Variants in ACTL6B observed in about 807,000 individuals in gnomAD.
The protein encoded by ACTL6B is actin-like protein 6B.
A neutral mutation model predicts 63.3 loss-of-function variants in ACTL6B; 48 were observed. The ratio of observed to expected loss-of-function variants is 0.76; its 90% CI spans 0.60 to 0.96. The LOEUF is 0.96. ACTL6B is among the 50% of genes least tolerant of loss of function. The pLI, the probability that ACTL6B is intolerant of heterozygous loss-of-function variation, is 0.00. For synonymous variants in ACTL6B, 230 were observed against 223.8 expected, an observed-to-expected ratio of 1.03 and a Z score of -0.25; for missense variants, 350 against 572.2, an observed-to-expected ratio of 0.61 and a Z score of 3.96.
Position 100,646,530 on chromosome 7 carries a change from G to A in ACTL6B, c.1113+21C>T, listed in dbSNP as rs1274652781. 4 of 1,612,778 alleles carry A rather than the reference G, an allele frequency of 2.5e-6. No homozygotes were observed. The highest frequency in any genetic ancestry group is 3.4e-6 in the Non-Finnish European group (4 of 1,179,034). ...AGCCAGGACGGGTGTCCAGGGCTCT[G>A]GGTCAGGGGTGGGCTCCTACCGGTG... On this transcript the variant is annotated intron_variant, in intron 12 of 13. Transcript: ENST00000160382. This position sits in a 1 kb window ranked among gnomAD's most constrained non-coding sequence, Gnocchi z 6.1.
At chr7:100,644,789 C>T (rs1480481660) in intron 13 of ACTL6B, among the ~76,000 whole-genome samples, 1 of 150,486 alleles carries the variant, frequency 6.6e-6, no homozygotes, top group Non-Finnish European at 1.5e-5. Context: ...GGCATGGTGG[C>T]TCACACCTGT....
intron 4 of ACTL6B, among the ~76,000 whole-genome samples, chr7:100,653,475 C>A (rs1018940122): frequency 6.6e-6 from 1 of 151,988 alleles, no homozygotes; most frequent in Non-Finnish European, 1.5e-5. Flanking sequence ...CATGATGAAA[C>A]CCTGTCTCTA....
chr7:100,643,122 T>G lies in ACTL6B; in HGVS notation c.*124A>C. 1 of 1,101,348 alleles carries G rather than the reference T, an allele frequency of 9.1e-7. No homozygotes were observed. Among genetic ancestry groups the G allele is most frequent in the Non-Finnish European group, 1.3e-6 (1 of 748,650 alleles). 68.2% of individuals were successfully genotyped at this position (1,101,348 alleles called of 1,614,324 possible). On this transcript the variant is annotated 3_prime_UTR_variant, in exon 14 of 14. Transcript: ENST00000160382. ...TTTTTTTTCTTAAAACATTTTTACT[T>G]CTTTCAACCCAGAAACATCACCATT...
In ACTL6B at chr7:100,643,296, G is replaced by A. The variant is rs1584466163; in HGVS notation, c.1231C>T (p.Gln411Ter). 2 of 1,613,818 alleles carry A rather than the reference G, an allele frequency of 1.2e-6. No homozygotes were observed. The highest frequency in any genetic ancestry group is 1.7e-6 in the Non-Finnish European group (2 of 1,180,004). The stretch of plus-strand genomic sequence containing the variant: ...TGCTTCCCGCCCTCCTCATATTCCT[G>A]CTTGGAGATCCACATCTGCTGGAAA... ...GTFQQMWISK[Q>*]EYEEGGKQCV... Residue 411 changes from glutamine to a stop codon, truncating the protein, a stop_gained, in exon 14 of 14, where the codon CAG becomes TAG. Transcript: ENST00000160382. LOFTEE classifies it high-confidence loss of function.
At position 100,655,346 on chromosome 7, in the gene ACTL6B, TG is replaced by T; in HGVS notation, c.268+74del. 2.0e-6 allele frequency: 3 copies of T among 1,499,644 alleles called. No individual in the cohort carries two copies. Among genetic ancestry groups the T allele is most frequent in the Non-Finnish European group, 1.8e-6 (2 of 1,103,956 alleles). 92.9% of individuals were successfully genotyped at this position (1,499,644 alleles called of 1,614,324 possible). A position where few individuals can be genotyped will look rare whatever the true frequency, so the allele number is the denominator to read the frequency against. ...GCTGCAAGGAAGACTCCGCGGGGAG[TG>T]GGGGCTGCTATGACCCAGATTGTGG... is the stretch of plus-strand genomic sequence containing the variant. On this transcript the variant is annotated intron_variant, in intron 3 of 13. Coordinates refer to ENST00000160382, the MANE Select transcript of ACTL6B (RefSeq NM_016188.5). The surrounding 1 kb of genome is among the most constrained non-coding windows in gnomAD (Gnocchi z 4.4).
At chr7:100,652,727 G>A (rs1803963699) in intron 4 of ACTL6B, among the ~76,000 whole-genome samples, 1 of 151,970 alleles carries the variant, frequency 6.6e-6, no homozygotes, top group Non-Finnish European at 1.5e-5. Context: ...CACAGGGCTG[G>A]GATGGTGGCT....
At chr7:100,650,797 A>AAAGT (rs1275901847) in intron 4 of ACTL6B, among the ~76,000 whole-genome samples, 2 of 152,200 alleles carry the variant, frequency 1.3e-5, no homozygotes, top group Non-Finnish European at 2.9e-5. Flanking sequence ...GGAAAAAGGT[A>AAAGT]AAGAGATGGA....
At chr7:100,656,187 C>A in intron 1 of ACTL6B, 143 bp downstream of exon 1, 1 of 1,034,294 alleles carries the variant, frequency 9.7e-7, no homozygotes. Context: ...GAGGACCGAG[C>A]GCAGGGGTGG....
rs190581728 is a variant in ACTL6B at position 100,646,854 on chromosome 7, C to T, written c.937-23G>A. 3.9e-3 allele frequency: 6,203 copies of T among 1,607,030 alleles called. 19 individuals are homozygous for T. Among genetic ancestry groups the T allele is most frequent in the Admixed American group, 5.3e-3 (319 of 59,700 alleles). On this transcript the variant is annotated intron_variant, in intron 10 of 13. Transcript: ENST00000160382. The surrounding 1 kb of genome is among the most constrained non-coding windows in gnomAD (Gnocchi z 6.1). The stretch of plus-strand genomic sequence containing the variant: ...GCCCTGCAGAGAGAGGTGACTGGGG[C>T]TGTGGGCTCTCTCCCCCTTCCCCCC...
In ACTL6B at chr7:100,655,339, C is replaced by CG; in HGVS notation, c.268+81dup. On this transcript the variant is annotated intron_variant, in intron 3 of 13. Transcript: ENST00000160382. The surrounding 1 kb of genome is among the most constrained non-coding windows in gnomAD (Gnocchi z 4.4). ...CCCTGGGGCTGCAAGGAAGACTCCGCGGGGAGTGGGGGCTGCTATGACCCA... is the reference window on the plus strand; with the variant it reads ...CCCTGGGGCTGCAAGGAAGACTCCGCGGGGGAGTGGGGGCTGCTATGACCCA... 1 of 1,481,500 alleles carries CG rather than the reference C, an allele frequency of 6.7e-7. No homozygotes were observed. The highest frequency in any genetic ancestry group is 1.3e-5 in the South Asian group (1 of 79,706). The allele number at this position is 1,481,500 out of a possible 1,614,324, so 91.8% of individuals were successfully genotyped here. A position where few individuals can be genotyped will look rare whatever the true frequency, so the allele number is the denominator to read the frequency against.
rs757061545 is a variant in ACTL6B at position 100,646,344 on chromosome 7, A to G, written c.1114-9T>C. The G allele has an allele frequency of 3.1e-6, 5 of 1,613,200 alleles. No individual in the cohort carries two copies. In the South Asian group the frequency reaches 4.4e-5, roughly 14 times the overall value. On this transcript the variant is annotated splice_polypyrimidine_tract_variant and intron_variant, in intron 12 of 13. Transcript: ENST00000160382. The surrounding 1 kb of genome is among the most constrained non-coding windows in gnomAD (Gnocchi z 6.1). ...AGTTTCAGTCGCATGCTCTGGGGGT[A>G]AAAAGGGGCTGGGGGAAGCAGACAC...
rs370684630 is a variant in ACTL6B, at chr7:100,648,857, G to T, written c.468-34C>A. 2 of 1,595,368 alleles carry T rather than the reference G, an allele frequency of 1.3e-6. No homozygotes were observed. The stretch of plus-strand genomic sequence containing the variant: ...GGATGGGTAAGTCAAAGAGACAGCA[G>T]CAGCAAGTGAGGGGCCTGGGCCCAG... On this transcript the variant is annotated intron_variant, in intron 5 of 13. Transcript: ENST00000160382. The surrounding 1 kb of genome is among the most constrained non-coding windows in gnomAD (Gnocchi z 4.4).
rs201377380 is a variant in ACTL6B, at chr7:100,647,104, G to A, written c.822-19C>T. ...AGCCACCCTACCCAGAAGGGAGCAG[G>A]ACTCTGCCTGGGGTGCTCAAGAAGG... On this transcript the variant is annotated intron_variant, in intron 9 of 13. Transcript: ENST00000160382. This position sits in a 1 kb window ranked among gnomAD's most constrained non-coding sequence, Gnocchi z 4.4. 6.0e-5 allele frequency: 97 copies of A among 1,613,366 alleles called. No homozygotes were observed. In the African/African-American group the frequency reaches 1.2e-3, roughly 21 times the overall value.
In ACTL6B at chr7:100,655,490, T is replaced by A. The variant is rs751962979; in HGVS notation, c.199A>T (p.Ile67Phe). 6.2e-7 allele frequency: 1 copy of A among 1,614,036 alleles called. No individual in the cohort carries two copies. Among genetic ancestry groups the A allele is most frequent in the Non-Finnish European group, 8.5e-7 (1 of 1,180,024 alleles). Residue 67 changes from isoleucine (I) to phenylalanine (F), a missense_variant, in exon 3 of 14, where the codon ATC becomes TTC. Physicochemically the swap from Ile to Phe is conservative, Grantham distance 21. Coordinates refer to ENST00000160382, the MANE Select transcript of ACTL6B (RefSeq NM_016188.5). This position sits in a 1 kb window ranked among gnomAD's most constrained non-coding sequence, Gnocchi z 4.4. Reference sequence around the variant, plus strand: ...GGCACGTGCAGGGCATTGGTGTCGATGTGGAAGATCTTCCCTTTCTTCTCT... The same window carrying A: ...GGCACGTGCAGGGCATTGGTGTCGAAGTGGAAGATCTTCCCTTTCTTCTCT... ...DKEKKGKIFH[I>F]DTNALHVPRD...
In ACTL6B at chr7:100,655,280, A is replaced by G; in HGVS notation, c.268+141T>C. 8.0e-7 allele frequency: 1 copy of G among 1,250,580 alleles called. No homozygotes were observed. The highest frequency in any genetic ancestry group is 1.1e-6 in the Non-Finnish European group (1 of 891,650). 77.5% of individuals were successfully genotyped at this position (1,250,580 alleles called of 1,614,324 possible). On this transcript the variant is annotated intron_variant, in intron 3 of 13. Transcript: ENST00000160382. The surrounding 1 kb of genome is among the most constrained non-coding windows in gnomAD (Gnocchi z 4.4). ...AAACCTGGTGGGCCCCTGGGAAGGGAACCCAGCGAGAAGAACCCTGGCAGC... is the reference window on the plus strand; with the variant it reads ...AAACCTGGTGGGCCCCTGGGAAGGGGACCCAGCGAGAAGAACCCTGGCAGC...
chr7:100,654,064 C>G (rs1178868215), intron 4 of ACTL6B, among the ~76,000 whole-genome samples: 4 of 151,848 alleles, frequency 2.6e-5, no homozygotes, highest in Non-Finnish European at 5.9e-5. Flanking sequence ...GCTCCGCCTC[C>G]CGGGTTCACG....
chr7:100,645,839 C>G (rs1216205678), intron 13 of ACTL6B, among the ~76,000 whole-genome samples: 1 of 152,138 alleles, frequency 6.6e-6, no homozygotes, highest in East Asian at 1.9e-4. Context: ...GTCATGTTGG[C>G]CAGGCTGGTC....
chr7:100,643,938 C>T (rs767867531), intron 13 of ACTL6B, among the ~76,000 whole-genome samples: 13 of 152,026 alleles, frequency 8.6e-5, no homozygotes, highest in Non-Finnish European at 1.6e-4. Flanking sequence ...CTTGCTCTGT[C>T]GCCCAGGCTG....
chr7:100,653,214 A>T, intron 4 of ACTL6B, among the ~76,000 whole-genome samples: 1 of 151,928 alleles, frequency 6.6e-6, no homozygotes. Context: ...TTGTTAGCTG[A>T]AGTAGAAGGA....
Sources: gnomAD v4.1 joint callset for allele counts (sites outside exome capture counted in the v4.1 genomes callset) on GRCh38, gnomAD v4.1.1 for gene constraint, Gnocchi (gnomAD v3.1) non-coding constraint, MANE v1.5 for transcripts, NCBI Gene and HGNC (gene_info 2026-07-23, HGNC 2026-07-21) for gene names.